The following NEDD4L variants were observed in gnomAD, a reference collection of about 807,000 sequenced individuals.
NEDD4L encodes the protein E3 ubiquitin-protein ligase NEDD4-like.
In NEDD4L, 54 loss-of-function variants were observed where a neutral mutation model predicts 148.9. That is an observed-to-expected ratio of 0.36 (90% confidence interval 0.29 to 0.45). The LOEUF is 0.45. NEDD4L is among the 20% of genes least tolerant of loss of function. The pLI is 1.00. For missense variants in NEDD4L, 856 were observed against 1,233.8 expected, an observed-to-expected ratio of 0.69 and a Z score of 4.59; for synonymous variants, 433 against 440.7, an observed-to-expected ratio of 0.98 and a Z score of 0.22.
chr18:58,275,324 G>C (rs1312449061), intron 5 of NEDD4L, among the ~76,000 whole-genome samples: 17 of 152,138 alleles, frequency 1.1e-4, no homozygotes, highest in Admixed American at 1.1e-3. Flanking sequence ...GGAGGGGTTG[G>C]TCTTGCTGTC....
At chr18:58,304,044 C>G (rs1008839164) in intron 5 of NEDD4L, among the ~76,000 whole-genome samples, 1 of 151,952 alleles carries the variant, frequency 6.6e-6, no homozygotes, top group Non-Finnish European at 1.5e-5. Flanking sequence ...ACACCTGCCT[C>G]CCAGGGACGT....
intron 1 of NEDD4L, among the ~76,000 whole-genome samples, chr18:58,101,601 C>T (rs2084756740): frequency 6.6e-6 from 1 of 151,954 alleles, no homozygotes; most frequent in Non-Finnish European, 1.5e-5. Context: ...CTGCGAGCCT[C>T]CATTTGCACA....
At chr18:58,045,150 C>T (rs954724083) in intron 1 of NEDD4L, 1 of 399,084 alleles carries the variant, frequency 2.5e-6, no homozygotes, top group Non-Finnish European at 4.4e-6. Flanking sequence ...GATCGTTTCC[C>T]CCTGGAACTT....
intron 1 of NEDD4L, among the ~76,000 whole-genome samples, chr18:58,157,299 T>G (rs2035626035): frequency 6.6e-6 from 1 of 152,200 alleles, no homozygotes; most frequent in African/African-American, 2.4e-5. Flanking sequence ...TAAAATGAAT[T>G]TTTGAGTTAT....
intron 30 of NEDD4L, among the ~76,000 whole-genome samples, chr18:58,394,129 G>T (rs531804127): frequency 8.5e-5 from 13 of 152,174 alleles, no homozygotes; most frequent in Non-Finnish European, 1.8e-4. Context: ...AGCCAGGTCC[G>T]TGTGTCCTGA....
chr18:58,092,083 A>T (rs2084105314), intron 1 of NEDD4L, among the ~76,000 whole-genome samples: 1 of 152,248 alleles, frequency 6.6e-6, no homozygotes, highest in South Asian at 2.1e-4. Context: ...CCAGGTAAAT[A>T]AATCTTGGAA....
intron 1 of NEDD4L, among the ~76,000 whole-genome samples, chr18:58,120,498 G>A (rs1001913013): frequency 2.6e-5 from 4 of 152,194 alleles, no homozygotes; most frequent in Admixed American, 6.5e-5. Flanking sequence ...AAAATGCCAC[G>A]GCCGGGCGTG....
chr18:58,244,405 A>T (rs1340862856), intron 2 of NEDD4L, among the ~76,000 whole-genome samples: 1 of 152,194 alleles, frequency 6.6e-6, no homozygotes, highest in African/African-American at 2.4e-5. Flanking sequence ...GATTTGAGCT[A>T]CCCCAGGGCT....
rs117964561 is a variant in NEDD4L, at chr18:58,345,324, T to G, written c.1575+2221T>G. On this transcript the variant is annotated intron_variant, in intron 16 of 30. Transcript: ENST00000400345. ...GACACACTCTAAATTGCCTGTTCAT[T>G]TTGACAAAAGATGAAGAGCCGGAGG... Among the ~76,000 whole-genome samples, 281 of 152,324 alleles carry G rather than the reference T, an allele frequency of 1.8e-3. 6 individuals carry two copies. The East Asian group carries it at 0.05, about 27-fold the overall frequency.
chr18:58,118,456 TG>T (rs1277398593), intron 1 of NEDD4L, among the ~76,000 whole-genome samples: 1 of 152,232 alleles, frequency 6.6e-6, no homozygotes, highest in Non-Finnish European at 1.5e-5. Flanking sequence ...GCTTCATCAA[TG>T]AGTGTGTTAA....
rs944350257 is a variant in NEDD4L at position 58,271,936 on chromosome 18, C to G, written c.297+19882C>G. Reference sequence around the variant, plus strand: ...TAAAGTATGTGTAAAGAATTAGTTGCTAATTTTGGATGTGGCTGAAATGAG... The same window carrying G: ...TAAAGTATGTGTAAAGAATTAGTTGGTAATTTTGGATGTGGCTGAAATGAG... On this transcript the variant is annotated intron_variant, in intron 5 of 30. Transcript: ENST00000400345. 2.0e-5 allele frequency among the ~76,000 whole-genome samples: 3 copies of G among 152,266 alleles called. No individual in the cohort carries two copies. In the East Asian group the frequency reaches 5.8e-4, roughly 29 times the overall value.
At chr18:58,075,138 G>A (rs1043694193) in intron 1 of NEDD4L, among the ~76,000 whole-genome samples, 12 of 152,196 alleles carry the variant, frequency 7.9e-5, no homozygotes, top group Non-Finnish European at 1.5e-4. Context: ...ACCAGAAAGC[G>A]TCGTAGTAGC....
Position 58,143,723 on chromosome 18 carries a change from C to T in NEDD4L, c.49-22065C>T, listed in dbSNP as rs549921001. Among the ~76,000 whole-genome samples the T allele has an allele frequency of 7.7e-4, 117 of 152,280 alleles. No homozygotes were observed. The South Asian group carries it at 0.018, about 24-fold the overall frequency. On this transcript the variant is annotated intron_variant, in intron 1 of 30. Transcript: ENST00000400345. Reference sequence around the variant, plus strand: ...AAACCCATCAGGAAGCAGAATTAATCCTTCCTGCGGGTGGTCCCTGTGAAG... The same window carrying T: ...AAACCCATCAGGAAGCAGAATTAATTCTTCCTGCGGGTGGTCCCTGTGAAG...
At chr18:58,177,998 G>A (rs1477490676) in intron 2 of NEDD4L, among the ~76,000 whole-genome samples, 1 of 152,176 alleles carries the variant, frequency 6.6e-6, no homozygotes, top group Admixed American at 6.5e-5. Flanking sequence ...CAGATACTAA[G>A]TAGTTGAGGC....
At chr18:58,176,996 T>G (rs2038236681) in intron 2 of NEDD4L, among the ~76,000 whole-genome samples, 1 of 152,128 alleles carries the variant, frequency 6.6e-6, no homozygotes. Flanking sequence ...GGGTCGCATT[T>G]TGACATAGAT....
At chr18:58,169,356 A>G (rs2037275612) in intron 2 of NEDD4L, among the ~76,000 whole-genome samples, 1 of 152,218 alleles carries the variant, frequency 6.6e-6, no homozygotes, top group Non-Finnish European at 1.5e-5. Flanking sequence ...CTTGAGGACA[A>G]AAAAGGGCAG....
At chr18:58,123,294 A>T (rs2030335362) in intron 1 of NEDD4L, among the ~76,000 whole-genome samples, 2 of 151,926 alleles carry the variant, frequency 1.3e-5, no homozygotes, top group South Asian at 4.2e-4. Context: ...CCCTTTTTAG[A>T]TCTCGTCCAG....
chr18:58,318,693 A>G (rs2058510098), intron 6 of NEDD4L, among the ~76,000 whole-genome samples: 1 of 152,254 alleles, frequency 6.6e-6, no homozygotes, highest in Non-Finnish European at 1.5e-5. Flanking sequence ...GATAACTTGA[A>G]TCTATTAATT....
At chr18:58,307,149 C>T (rs970718769) in intron 5 of NEDD4L, among the ~76,000 whole-genome samples, 4 of 152,070 alleles carry the variant, frequency 2.6e-5, no homozygotes, top group African/African-American at 7.2e-5. Flanking sequence ...AATGGCTCCC[C>T]GGGAGAGCCT....
Sources: gnomAD v4.1 joint callset for allele counts (sites outside exome capture counted in the v4.1 genomes callset) on GRCh38, gnomAD v4.1.1 for gene constraint, MANE v1.5 for transcripts, NCBI Gene and HGNC (gene_info 2026-07-23, HGNC 2026-07-21) for gene names.